FAM161A: variants seen among roughly 807,000 people sequenced by gnomAD.
FAM161A encodes the protein protein FAM161A.
In FAM161A, 57 loss-of-function variants were observed where a neutral mutation model predicts 70.9. That is an observed-to-expected ratio of 0.80 (90% CI 0.65 to 1.00). The LOEUF is 1.00. Among genes scored for constraint, FAM161A ranks in the 50% least tolerant of loss-of-function variants. FAM161A has a pLI of 0.00. For synonymous variants in FAM161A, 299 were observed against 295.7 expected, an observed-to-expected ratio of 1.01 and a Z score of -0.12; for missense variants, 880 against 836.0, an observed-to-expected ratio of 1.05 and a Z score of -0.65.
At position 61,824,872 on chromosome 2, in the gene FAM161A, T is replaced by G; in HGVS notation, c.*1583A>C. ...ATTCATCTACACACTCATTCAAACCTTTATTAAGTACCTACCATATGTACA... is the reference window on the plus strand; with the variant it reads ...ATTCATCTACACACTCATTCAAACCGTTATTAAGTACCTACCATATGTACA... On this transcript the variant is annotated 3_prime_UTR_variant, in exon 7 of 7. Transcript: ENST00000404929. The G allele has an allele frequency of 2.4e-6, 1 of 419,654 alleles. No homozygotes were observed. Among genetic ancestry groups the G allele is most frequent in the South Asian group, 1.8e-5 (1 of 56,660 alleles). The allele number at this position is 419,654 out of a possible 1,614,324, so 26.0% of individuals were successfully genotyped here. A position where few individuals can be genotyped will look rare whatever the true frequency, so the allele number is the denominator to read the frequency against.
At chr2:61,838,940 T>C (rs1672888951) in intron 3 of FAM161A, among the ~76,000 whole-genome samples, 2 of 151,396 alleles carry the variant, frequency 1.3e-5, no homozygotes, top group East Asian at 1.9e-4. Context: ...TGGAGTGCCA[T>C]GGCGTGATCT....
In FAM161A at chr2:61,825,087, T is replaced by G. The variant is rs148352743; in HGVS notation, c.*1368A>C. On this transcript the variant is annotated 3_prime_UTR_variant, in exon 7 of 7. Coordinates refer to ENST00000404929, the MANE Select transcript of FAM161A (RefSeq NM_001201543.2). ...AAATTTAAAGCATAAATTGCCAGTTTGGAAACACTGCTATTACATACACCT... is the reference window on the plus strand; with the variant it reads ...AAATTTAAAGCATAAATTGCCAGTTGGGAAACACTGCTATTACATACACCT... 1.4e-3 allele frequency: 613 copies of G among 453,936 alleles called. 1 individual carries two copies. Among genetic ancestry groups the G allele is most frequent in the South Asian group, 2.8e-3 (177 of 64,260 alleles). 28.1% of individuals were successfully genotyped at this position (453,936 alleles called of 1,614,324 possible).
chr2:61,835,642 T>C (rs1467135954), intron 5 of FAM161A: 2 of 172,418 alleles, frequency 1.2e-5, no homozygotes, highest in Non-Finnish European at 2.5e-5. Flanking sequence ...TTTTACGAAC[T>C]ACTGGATTGG....
the FAM161A span, among the ~76,000 whole-genome samples, chr2:61,819,086 A>T: frequency 0.1 from 15,551 of 152,294 alleles, 1,157 homozygotes; most frequent in Admixed American, 0.23. Flanking sequence ...AATCTAAATT[A>T]CATGCCAGGC....
At chr2:61,813,989 T>C in the FAM161A span, among the ~76,000 whole-genome samples, 1 of 151,970 alleles carries the variant, frequency 6.6e-6, no homozygotes, top group Non-Finnish European at 1.5e-5. Flanking sequence ...GTGTATGAGG[T>C]GCCAGGCAGT....
At chr2:61,820,531 A>C (rs192012373), downstream of FAM161A, 2 of 746,742 alleles carry the variant, frequency 2.7e-6, no homozygotes, top group East Asian at 5.0e-5. Flanking sequence ...TGTTGCTGGC[A>C]TTAAAGAAGA....
rs115329650 is a variant in FAM161A, at chr2:61,832,866, A to G, written c.1851+3144T>C. On this transcript the variant is annotated intron_variant, in intron 5 of 6. Coordinates refer to ENST00000404929, the MANE Select transcript of FAM161A (RefSeq NM_001201543.2). ...GGTCTGTGGAAAAATGGTCTTCCAT[A>G]AAACCAGTCTCTAGCGCCAAAAAGG... 5.0e-3 allele frequency among the ~76,000 whole-genome samples: 757 copies of G among 152,288 alleles called. 3 individuals are homozygous for G. The highest frequency in any genetic ancestry group is 0.018 in the African/African-American group (737 of 41,544).
rs139046436 is a variant in FAM161A at position 61,840,619 on chromosome 2, T to C, written c.423-38A>G. The C allele has an allele frequency of 1.6e-3, 2,276 of 1,394,120 alleles. 26 individuals are homozygous for C. In the African/African-American group the frequency reaches 0.028, roughly 17 times the overall value. 86.4% of individuals were successfully genotyped at this position (1,394,120 alleles called of 1,614,324 possible). On this transcript the variant is annotated intron_variant, in intron 2 of 6. Coordinates refer to ENST00000404929, the MANE Select transcript of FAM161A (RefSeq NM_001201543.2). ...AATAACTATGTTATACTTTCAGTTGTATGTGACCAAATATAAAAATTAAGA... is the reference window on the plus strand; with the variant it reads ...AATAACTATGTTATACTTTCAGTTGCATGTGACCAAATATAAAAATTAAGA...
intron 5 of FAM161A, among the ~76,000 whole-genome samples, chr2:61,828,136 C>T (rs1285824334): frequency 6.6e-6 from 1 of 152,092 alleles, no homozygotes; most frequent in Non-Finnish European, 1.5e-5. Flanking sequence ...AGGTAGAGGG[C>T]TGTGATCTGC....
the FAM161A span, among the ~76,000 whole-genome samples, chr2:61,802,172 T>A: frequency 6.6e-6 from 1 of 152,186 alleles, no homozygotes; most frequent in Admixed American, 6.5e-5. Context: ...TCAGGAGAGC[T>A]AAGTGTGAGT....
downstream of FAM161A, among the ~76,000 whole-genome samples, chr2:61,823,169 C>G (rs1200977409): frequency 6.6e-6 from 1 of 150,728 alleles, no homozygotes; most frequent in Non-Finnish European, 1.5e-5. Flanking sequence ...CCCATCTCTA[C>G]TAAAACTATA....
chr2:61,842,674 A>G (rs1429073814), intron 1 of FAM161A, among the ~76,000 whole-genome samples: 1 of 152,198 alleles, frequency 6.6e-6, no homozygotes, highest in Non-Finnish European at 1.5e-5. Context: ...AACCCTTTAC[A>G]AAGTATTTCT....
chr2:61,853,800 GC>G (rs1673579907), intron 1 of FAM161A, 58 bp downstream of exon 1: 3 of 1,594,474 alleles, frequency 1.9e-6, no homozygotes, highest in Admixed American at 3.4e-5. Flanking sequence ...GAACCGGACA[GC>G]CCTCAGCCTG....
At chr2:61,803,633 G>A in the FAM161A span, among the ~76,000 whole-genome samples, 283 of 152,276 alleles carry the variant, frequency 1.9e-3, 1 homozygote, top group African/African-American at 6.5e-3. Context: ...GGCCAACATG[G>A]TGAAACCCCA....
intron 5 of FAM161A, among the ~76,000 whole-genome samples, chr2:61,830,009 A>G (rs1672510398): frequency 6.6e-6 from 1 of 152,088 alleles, no homozygotes; most frequent in African/African-American, 2.4e-5. Flanking sequence ...ATTCACTGCC[A>G]TGGTAACTCT....
At chr2:61,810,835 G>C in the FAM161A span, among the ~76,000 whole-genome samples, 1 of 152,024 alleles carries the variant, frequency 6.6e-6, no homozygotes, top group Non-Finnish European at 1.5e-5. Flanking sequence ...CTTGCAGGCA[G>C]GGAAGTAGAG....
At chr2:61,823,106 A>T (rs1224133446), downstream of FAM161A, among the ~76,000 whole-genome samples, 1 of 151,134 alleles carries the variant, frequency 6.6e-6, no homozygotes, top group Non-Finnish European at 1.5e-5. Context: ...AGGCCGAGGC[A>T]GATGGATGAC....
At chr2:61,829,499 G>C (rs1324513932) in intron 5 of FAM161A, among the ~76,000 whole-genome samples, 1 of 152,150 alleles carries the variant, frequency 6.6e-6, no homozygotes, top group Admixed American at 6.5e-5. Flanking sequence ...AGAAAAGTAA[G>C]TAAAAACCCA....
intron 5 of FAM161A, among the ~76,000 whole-genome samples, chr2:61,834,940 T>G (rs1672717929): frequency 6.6e-6 from 1 of 152,196 alleles, no homozygotes; most frequent in South Asian, 2.1e-4. Context: ...ACTTTATGAT[T>G]ATAATGTAGA....
Sources: allele counts gnomAD v4.1 joint callset (sites outside exome capture counted in the v4.1 genomes callset), GRCh38; gene constraint gnomAD v4.1.1; transcripts MANE v1.5; gene names NCBI Gene and HGNC (gene_info 2026-07-23, HGNC 2026-07-21).